MGST1: variants seen among roughly 807,000 people sequenced by gnomAD.
The protein encoded by MGST1 is glutathione S-transferase 12.
Under a neutral mutation model 8.9 loss-of-function variants are expected in MGST1, and 5 were observed. The observed-to-expected ratio is 0.56, with a 90% CI of 0.29 to 1.19. MGST1 has a LOEUF of 1.19. MGST1 is among the 50% of genes most tolerant of loss of function. The pLI is 0.08. For synonymous variants in MGST1, 54 were observed against 67.8 expected (o/e 0.80, Z 1.00); for missense variants, 182 against 187.4 (o/e 0.97, Z 0.17).
intron 4 of MGST1, among the ~76,000 whole-genome samples, chr12:16,528,769 A>G (rs765918439): frequency 1.3e-5 from 2 of 152,040 alleles, no homozygotes; most frequent in African/African-American, 4.8e-5. Context: ...GCTTGAACAA[A>G]TGCAGTAGTT....
At chr12:16,571,388 A>G (rs939324281) in intron 4 of MGST1, among the ~76,000 whole-genome samples, 3 of 152,138 alleles carry the variant, frequency 2.0e-5, no homozygotes, top group African/African-American at 7.2e-5. Flanking sequence ...TTAATATCCA[A>G]CACCATTTAT....
In MGST1 at chr12:16,513,404, C is replaced by G; in HGVS notation, n.483-76124C>G. 5.2e-6 allele frequency: 2 copies of G among 385,976 alleles called. No individual in the cohort carries two copies. The highest frequency in any genetic ancestry group is 4.0e-5 in the South Asian group (2 of 50,044). 23.9% of individuals were successfully genotyped at this position (385,976 alleles called of 1,614,324 possible). A position where few individuals can be genotyped will look rare whatever the true frequency, so the allele number is the denominator to read the frequency against. The stretch of plus-strand genomic sequence containing the variant: ...CCTACCGTCCACCATGGCTCCTCTG[C>G]GCTCCAGCTGCGTCGTCTCCGGGAT... On this transcript the variant is annotated intron_variant and non_coding_transcript_variant, in intron 4 of 4. Coordinates refer to the MGST1 transcript ENST00000538857. The surrounding 1 kb of genome is among the most constrained non-coding windows in gnomAD (Gnocchi z 4.2).
chr12:16,469,180 T>C (rs1481261321), intron 4 of MGST1, among the ~76,000 whole-genome samples: 1 of 10,974 alleles, frequency 9.1e-5, no homozygotes, highest in Non-Finnish European at 1.8e-4. Context: ...CTCTATTCCT[T>C]TTTTTTTTTT....
chr12:16,433,840 G>T (rs1399323929), intron 1 of MGST1, among the ~76,000 whole-genome samples: 2 of 152,014 alleles, frequency 1.3e-5, no homozygotes, highest in African/African-American at 4.8e-5. Flanking sequence ...TTGATTATAT[G>T]TATGTTTCTA....
Position 16,458,766 on chromosome 12 carries a change from G to A in MGST1, n.482+75162G>A, listed in dbSNP as rs973379634. On this transcript the variant is annotated intron_variant and non_coding_transcript_variant, in intron 4 of 4. Transcript: ENST00000538857. This position sits in a 1 kb window ranked among gnomAD's most constrained non-coding sequence, Gnocchi z 4.0. ...CTGGAATTGCAGCTTGCCTGCTGCA[G>A]TGCTTTGCAGTTATTCGGAATTTTT... 2.0e-5 allele frequency among the ~76,000 whole-genome samples: 3 copies of A among 152,050 alleles called. No individual in the cohort carries two copies. The highest frequency in any genetic ancestry group is 7.2e-5 in the African/African-American group (3 of 41,450).
intron 4 of MGST1, among the ~76,000 whole-genome samples, chr12:16,498,712 A>G (rs992576713): frequency 2.0e-5 from 3 of 152,316 alleles, no homozygotes; most frequent in African/African-American, 7.2e-5. Flanking sequence ...TCCATGATCA[A>G]ATGATATGTT....
At chr12:16,452,949 G>A (rs1352159759) in intron 4 of MGST1, among the ~76,000 whole-genome samples, 1 of 151,804 alleles carries the variant, frequency 6.6e-6, no homozygotes, top group Non-Finnish European at 1.5e-5. Context: ...ATACATGCCA[G>A]GTTGTTTTTC....
intron 1 of MGST1, among the ~76,000 whole-genome samples, chr12:16,393,814 G>A (rs1372835657): frequency 6.6e-6 from 1 of 152,134 alleles, no homozygotes; most frequent in Non-Finnish European, 1.5e-5. Context: ...CCAGGATACT[G>A]TATCAGTTAA....
chr12:16,460,823 A>G (rs1008017492), intron 4 of MGST1, among the ~76,000 whole-genome samples: 1 of 152,056 alleles, frequency 6.6e-6, no homozygotes, highest in Non-Finnish European at 1.5e-5. Context: ...ATGTCAGGTG[A>G]TGCAGTCCCT....
chr12:16,358,203 A>C (rs761551648), intron 3 of MGST1, among the ~76,000 whole-genome samples: 1 of 152,186 alleles, frequency 6.6e-6, no homozygotes, highest in Non-Finnish European at 1.5e-5. Flanking sequence ...AAAAGCAATA[A>C]GCCAAGATAC....
intron 4 of MGST1, among the ~76,000 whole-genome samples, chr12:16,486,219 A>G (rs139801363): frequency 6.6e-6 from 1 of 152,316 alleles, no homozygotes; most frequent in Non-Finnish European, 1.5e-5. Flanking sequence ...CACATTTAAC[A>G]TAGAATATAC....
At chr12:16,419,254 C>T (rs1940812718) in intron 1 of MGST1, among the ~76,000 whole-genome samples, 1 of 152,108 alleles carries the variant, frequency 6.6e-6, no homozygotes, top group Admixed American at 6.6e-5. Context: ...TCTCAGATAC[C>T]TCAGCCTACC....
rs1565471393 is a variant in MGST1 at position 16,537,437 on chromosome 12, GT to G, written n.483-52090del. On this transcript the variant is annotated intron_variant and non_coding_transcript_variant, in intron 4 of 4. Coordinates refer to the MGST1 transcript ENST00000538857. The surrounding 1 kb of genome is among the most constrained non-coding windows in gnomAD (Gnocchi z 4.6). ...CTACCATTCTGGGATCTGGAGCATG[GT>G]GGCCCTCTTCTCACAGCTCCACTAG... 6.6e-6 allele frequency among the ~76,000 whole-genome samples: 1 copy of G among 152,158 alleles called. No homozygotes were observed. Among genetic ancestry groups the G allele is most frequent in the Non-Finnish European group, 1.5e-5 (1 of 68,030 alleles).
At chr12:16,351,139 A>C (rs965063272) in intron 1 of MGST1, among the ~76,000 whole-genome samples, 3 of 152,188 alleles carry the variant, frequency 2.0e-5, no homozygotes, top group Non-Finnish European at 4.4e-5. Flanking sequence ...TTTTAAAATT[A>C]TTGTTAAGTA....
At position 16,420,629 on chromosome 12, in the gene MGST1, G is replaced by C. The variant is rs59253877; in HGVS notation, n.779-16759G>C. On this transcript the variant is annotated intron_variant and non_coding_transcript_variant, in intron 1 of 1. Coordinates refer to the MGST1 transcript ENST00000359720. ...AAAGGCTCCTCAGATTCTAAGGAGA[G>C]CTCTGGAACTGGGATGATCCTTCAG... Among the ~76,000 whole-genome samples, 173 of 152,240 alleles carry C rather than the reference G, an allele frequency of 1.1e-3. 1 individual carries two copies. The highest frequency in any genetic ancestry group is 4.0e-3 in the African/African-American group (165 of 41,540).
chr12:16,474,494 T>C (rs1426430423), intron 4 of MGST1, among the ~76,000 whole-genome samples: 1 of 152,194 alleles, frequency 6.6e-6, no homozygotes, highest in Admixed American at 6.5e-5. Flanking sequence ...CTTTCAAAAT[T>C]ACTCTACCCC....
chr12:16,357,535 G>C (rs980075435), intron 2 of MGST1, 70 bp from the exon 3 acceptor site: 10 of 1,191,358 alleles, frequency 8.4e-6, no homozygotes, highest in Non-Finnish European at 1.2e-5. Flanking sequence ...CAAAGCGCTG[G>C]AATTACAGGT....
chr12:16,358,105 A>G (rs1200952460), intron 3 of MGST1, among the ~76,000 whole-genome samples: 1 of 152,172 alleles, frequency 6.6e-6, no homozygotes, highest in Non-Finnish European at 1.5e-5. Context: ...ACTCTGGAGG[A>G]GTAGGAACCT....
intron 4 of MGST1, among the ~76,000 whole-genome samples, chr12:16,450,182 A>T (rs1941117626): frequency 6.6e-6 from 1 of 151,904 alleles, no homozygotes; most frequent in South Asian, 2.1e-4. Flanking sequence ...TTTGCTTTGC[A>T]TCTAAGCAAC....
Sources: allele counts gnomAD v4.1 joint callset (sites outside exome capture counted in the v4.1 genomes callset), GRCh38; gene constraint gnomAD v4.1.1; non-coding constraint Gnocchi (gnomAD v3.1); transcripts MANE v1.5; gene names NCBI Gene and HGNC (gene_info 2026-07-23, HGNC 2026-07-21).